The following DAB1 variants were observed in gnomAD, a reference collection of about 807,000 sequenced individuals.
DAB1 encodes the protein disabled homolog 1.
A neutral mutation model predicts 64.6 loss-of-function variants in DAB1; 15 were observed. The observed-to-expected ratio is 0.23, with a 90% CI of 0.16 to 0.36. The LOEUF is 0.36. DAB1 is among the 10% of genes least tolerant of loss of function. DAB1 has a pLI of 1.00. For missense variants in DAB1, 596 were observed against 706.7 expected (o/e 0.84, Z 1.78); for synonymous variants, 235 against 251.9 (o/e 0.93, Z 0.64).
intron 7 of DAB1, among the ~76,000 whole-genome samples, chr1:57,623,094 G>A (rs544802450): frequency 2.6e-5 from 4 of 152,204 alleles, no homozygotes; most frequent in South Asian, 2.1e-4. Context: ...TGTCATCGGC[G>A]GAGTGGTAAT....
intron 7 of DAB1, among the ~76,000 whole-genome samples, chr1:57,602,302 G>C (rs964745010): frequency 6.6e-6 from 1 of 152,122 alleles, no homozygotes; most frequent in African/African-American, 2.4e-5. Context: ...GGATAGATAC[G>C]ATGATCCTTG....
At chr1:58,338,587 C>T (rs751184471) in intron 4 of DAB1, among the ~76,000 whole-genome samples, 1 of 152,120 alleles carries the variant, frequency 6.6e-6, no homozygotes, top group African/African-American at 2.4e-5. Flanking sequence ...ACAACTCAGT[C>T]TTCGAATATA....
intron 5 of DAB1, among the ~76,000 whole-genome samples, chr1:57,971,898 T>C (rs1645804686): frequency 6.6e-6 from 1 of 152,198 alleles, no homozygotes; most frequent in Non-Finnish European, 1.5e-5. Flanking sequence ...TTATGAGGCA[T>C]CAGTTTGTGA....
intron 7 of DAB1, among the ~76,000 whole-genome samples, chr1:57,512,432 G>A (rs1644416300): frequency 6.6e-6 from 1 of 152,178 alleles, no homozygotes; most frequent in Non-Finnish European, 1.5e-5. Context: ...AAATCTGGGT[G>A]GAAGGCTCTA....
chr1:57,227,462 G>A (rs1443499795), intron 2 of DAB1, among the ~76,000 whole-genome samples: 1 of 151,832 alleles, frequency 6.6e-6, no homozygotes. Context: ...TGGGTAAATA[G>A]ATAAGGAGCA....
At chr1:57,999,370 T>C (rs1382455607) in intron 5 of DAB1, among the ~76,000 whole-genome samples, 1 of 152,168 alleles carries the variant, frequency 6.6e-6, no homozygotes, top group African/African-American at 2.4e-5. Flanking sequence ...CAGGTCCCCA[T>C]TCCAAATCGA....
chr1:57,549,183 A>C (rs1307375677), intron 7 of DAB1, among the ~76,000 whole-genome samples: 2 of 152,166 alleles, frequency 1.3e-5, no homozygotes, highest in Non-Finnish European at 2.9e-5. Context: ...TTCTCAGATC[A>C]CTGTAATAGC....
intron 4 of DAB1, among the ~76,000 whole-genome samples, chr1:57,124,928 C>A (rs1204731977): frequency 6.6e-6 from 1 of 151,908 alleles, no homozygotes; most frequent in Non-Finnish European, 1.5e-5. Flanking sequence ...GAATGCCTGT[C>A]CCTCCCACCC....
chr1:58,334,716 T>C (rs1363012823), intron 4 of DAB1, among the ~76,000 whole-genome samples: 2 of 146,214 alleles, frequency 1.4e-5, no homozygotes. Flanking sequence ...GGATTTATCA[T>C]CACAAAACTC....
chr1:57,248,223 T>C (rs898865217), intron 2 of DAB1, among the ~76,000 whole-genome samples: 3 of 152,178 alleles, frequency 2.0e-5, no homozygotes, highest in Non-Finnish European at 4.4e-5. Flanking sequence ...TTTAAATCTG[T>C]ATTATTTTAT....
intron 6 of DAB1, among the ~76,000 whole-genome samples, chr1:57,692,484 G>A (rs1229521558): frequency 6.6e-6 from 1 of 151,936 alleles, no homozygotes; most frequent in African/African-American, 2.4e-5. Context: ...CAAAGAGAGA[G>A]GCAAAGTCAA....
At chr1:58,276,144 G>A (rs1661437474) in intron 4 of DAB1, among the ~76,000 whole-genome samples, 1 of 152,180 alleles carries the variant, frequency 6.6e-6, no homozygotes, top group African/African-American at 2.4e-5. Context: ...TAGAATGGTG[G>A]TTGCCAAGGG....
rs1430578123 is a variant in DAB1, at chr1:57,056,510, A to G, written c.723+6374T>C. On this transcript the variant is annotated intron_variant, in intron 9 of 14. Coordinates refer to ENST00000371236, the MANE Select transcript of DAB1 (RefSeq NM_001365792.1). ...ACAGAGTAAGAGCCTGTCTCAAAAA[A>G]AAAAAAAAAAGAAAAAAAAGAAAAG... 5.3e-5 allele frequency among the ~76,000 whole-genome samples: 8 copies of G among 151,216 alleles called. No homozygotes were observed. The South Asian group carries it at 1.7e-3, about 32-fold the overall frequency.
At chr1:58,316,553 CAG>C (rs895305933) in intron 4 of DAB1, among the ~76,000 whole-genome samples, 2 of 151,864 alleles carry the variant, frequency 1.3e-5, no homozygotes, top group African/African-American at 4.8e-5. Flanking sequence ...CAGGAACCAA[CAG>C]AGAGAGAGAA....
rs144682173 is a variant in DAB1, at chr1:57,666,421, A to T, written n.552-16756T>A. Among the ~76,000 whole-genome samples the T allele has an allele frequency of 2.8e-3, 422 of 152,260 alleles. 3 individuals carry two copies. Among genetic ancestry groups the T allele is most frequent in the Non-Finnish European group, 4.3e-3 (292 of 68,008 alleles). ...CCAACAGAGTTGGAACTGGCCATGG[A>T]GCTTCCTAGGAAATAGACTTTGGCT... On this transcript the variant is annotated intron_variant and non_coding_transcript_variant, in intron 6 of 20. Coordinates refer to the DAB1 transcript ENST00000485760.
intron 7 of DAB1, among the ~76,000 whole-genome samples, chr1:57,481,672 C>T (rs560971742): frequency 6.6e-5 from 10 of 151,994 alleles, no homozygotes; most frequent in Non-Finnish European, 1.5e-4. Flanking sequence ...CAAAAATTAG[C>T]CAGGCATGGT....
chr1:58,031,658 A>T (rs1646972074), intron 5 of DAB1, among the ~76,000 whole-genome samples: 2 of 152,206 alleles, frequency 1.3e-5, no homozygotes, highest in African/African-American at 4.8e-5. Context: ...TCTCAGAGGA[A>T]GCTGAATTGC....
Position 58,086,205 on chromosome 1 carries a change from C to T in DAB1, n.387+64306G>A, listed in dbSNP as rs368430012. Among the ~76,000 whole-genome samples, 363 of 151,896 alleles carry T rather than the reference C, an allele frequency of 2.4e-3. 1 individual carries two copies. Among genetic ancestry groups the T allele is most frequent in the African/African-American group, 8.2e-3 (341 of 41,404 alleles). ...GTCTCGATCTCCTGACCTCGTGATC[C>T]GCCCGCCTCGGCCTCCCAAAGTGCT... On this transcript the variant is annotated intron_variant and non_coding_transcript_variant, in intron 5 of 20. Coordinates refer to the DAB1 transcript ENST00000485760.
chr1:57,804,545 T>C (rs1422805294), intron 6 of DAB1, among the ~76,000 whole-genome samples: 2 of 152,248 alleles, frequency 1.3e-5, no homozygotes, highest in African/African-American at 4.8e-5. Flanking sequence ...AAAACAGATG[T>C]GTAAGAGTTC....
Sources: allele counts gnomAD v4.1 joint callset (sites outside exome capture counted in the v4.1 genomes callset), GRCh38; gene constraint gnomAD v4.1.1; transcripts MANE v1.5; gene names NCBI Gene and HGNC (gene_info 2026-07-23, HGNC 2026-07-21).